SBF2: variants seen among roughly 807,000 people sequenced by gnomAD.
SBF2 encodes SET binding factor 2.
In SBF2, 112 loss-of-function variants were observed where a neutral mutation model predicts 225.2. The observed-to-expected ratio is 0.50, with a 90% CI of 0.43 to 0.58. SBF2 has a LOEUF of 0.58. Among genes scored for constraint, SBF2 ranks in the 20% least tolerant of loss-of-function variants. SBF2 has a pLI of 0.00. For missense variants in SBF2, 1,996 were observed against 2,206.2 expected (o/e 0.90, Z 1.91); for synonymous variants, 763 against 773.3 (o/e 0.99, Z 0.22).
At chr11:10,029,972 G>C in intron 4 of SBF2, 97 bp from the exon 5 acceptor site, 1 of 851,266 alleles carries the variant, frequency 1.2e-6, no homozygotes, top group Non-Finnish European at 2.0e-6. Flanking sequence ...TTTGAACCCA[G>C]TAAAGTATAT....
chr11:10,183,053 G>A (rs567040662), intron 2 of SBF2, among the ~76,000 whole-genome samples: 21 of 152,268 alleles, frequency 1.4e-4, no homozygotes, highest in Non-Finnish European at 1.3e-4. Context: ...TTACAGGCGT[G>A]AGCCACTGTG....
intron 2 of SBF2, among the ~76,000 whole-genome samples, chr11:10,166,982 C>A (rs1469818530): frequency 6.6e-6 from 1 of 151,666 alleles, no homozygotes; most frequent in African/African-American, 2.4e-5. Flanking sequence ...CACACACACA[C>A]ACACACAAAA....
chr11:9,992,843 A>G, intron 11 of SBF2, 147 bp downstream of exon 11: 1 of 629,232 alleles, frequency 1.6e-6, no homozygotes, highest in Non-Finnish European at 2.7e-6. Context: ...TATTATTATT[A>G]AGAACTGATA....
chr11:10,019,537 G>A (rs898312474), intron 6 of SBF2, among the ~76,000 whole-genome samples: 5 of 152,044 alleles, frequency 3.3e-5, no homozygotes, highest in African/African-American at 1.2e-4. Context: ...GATAGGAGAG[G>A]AAATATATTT....
intron 38 of SBF2, among the ~76,000 whole-genome samples, chr11:9,782,673 C>A (rs1852091956): frequency 6.6e-6 from 1 of 152,056 alleles, no homozygotes; most frequent in East Asian, 1.9e-4. Context: ...GAGTTTGAGA[C>A]CAGCCTGACC....
chr11:10,204,925 G>A (rs1292768465), intron 1 of SBF2, among the ~76,000 whole-genome samples: 2 of 151,474 alleles, frequency 1.3e-5, no homozygotes, highest in African/African-American at 4.9e-5. Flanking sequence ...TGGTGATGTC[G>A]CATGTTCCCA....
At chr11:10,043,079 CCTACCTGATGTGGTATGAGT>C in intron 2 of SBF2, 98 bp from the exon 3 acceptor site, 1 of 1,222,296 alleles carries the variant, frequency 8.2e-7, no homozygotes, top group Non-Finnish European at 1.2e-6. Context: ...TTAACAAATT[CCTACCTGATGTGGTATGAGT>C]CTAAAGCCAA....
intron 27 of SBF2, among the ~76,000 whole-genome samples, chr11:9,831,087 C>T (rs1477141621): frequency 6.6e-6 from 1 of 152,122 alleles, no homozygotes; most frequent in African/African-American, 2.4e-5. Flanking sequence ...TAGCCTTTAC[C>T]TCATGGGCTC....
intron 16 of SBF2, chr11:9,961,419 G>C (rs1866560022): frequency 6.6e-6 from 1 of 152,584 alleles, no homozygotes. Context: ...GGCAGGATGA[G>C]GAAACAAGAT....
At chr11:10,096,635 T>G (rs1952037840) in intron 2 of SBF2, among the ~76,000 whole-genome samples, 1 of 152,136 alleles carries the variant, frequency 6.6e-6, no homozygotes, top group Non-Finnish European at 1.5e-5. Context: ...CTGCTCAAGG[T>G]CTGGAATAAA....
chr11:9,797,439 G>A (rs1381348770), intron 32 of SBF2, among the ~76,000 whole-genome samples: 1 of 152,214 alleles, frequency 6.6e-6, no homozygotes, highest in African/African-American at 2.4e-5. Context: ...CTCCTATGCA[G>A]TGGGCCTGCA....
intron 6 of SBF2, among the ~76,000 whole-genome samples, chr11:10,019,926 T>C (rs1037684296): frequency 6.6e-6 from 1 of 152,204 alleles, no homozygotes; most frequent in Non-Finnish European, 1.5e-5. Flanking sequence ...CATCTTTTCA[T>C]CTTTATGTTT....
intron 17 of SBF2, among the ~76,000 whole-genome samples, chr11:9,879,714 T>G (rs1859578891): frequency 6.6e-6 from 1 of 152,236 alleles, no homozygotes; most frequent in Non-Finnish European, 1.5e-5. Flanking sequence ...GTGCTTTACA[T>G]GAATAATTTC....
intron 1 of SBF2, among the ~76,000 whole-genome samples, chr11:10,194,330 T>C (rs1957286729): frequency 6.6e-6 from 1 of 152,198 alleles, no homozygotes; most frequent in African/African-American, 2.4e-5. Flanking sequence ...TTAGGTATTA[T>C]AAGTAATTAA....
chr11:9,887,341 T>C (rs1860417646), intron 17 of SBF2, among the ~76,000 whole-genome samples: 2 of 152,094 alleles, frequency 1.3e-5, no homozygotes, highest in Non-Finnish European at 2.9e-5. Flanking sequence ...CTATCACTAG[T>C]TTAAATAGTA....
At chr11:10,036,390 A>AC (rs1285940493) in intron 3 of SBF2, among the ~76,000 whole-genome samples, 1 of 152,152 alleles carries the variant, frequency 6.6e-6, no homozygotes, top group Non-Finnish European at 1.5e-5. Flanking sequence ...CTGCACATGT[A>AC]CCCCAGAACT....
intron 1 of SBF2, among the ~76,000 whole-genome samples, chr11:10,237,898 A>G (rs781234924): frequency 6.6e-6 from 1 of 152,180 alleles, no homozygotes; most frequent in Non-Finnish European, 1.5e-5. Flanking sequence ...GGTCACTTCT[A>G]TTGTATAAGT....
At chr11:9,792,591 A>G (rs1185804075) in intron 33 of SBF2, among the ~76,000 whole-genome samples, 2 of 152,158 alleles carry the variant, frequency 1.3e-5, no homozygotes, top group Non-Finnish European at 1.5e-5. Context: ...AGAACACAAG[A>G]AGGAACAGAC....
chr11:9,923,321 C>A (rs997815330), intron 16 of SBF2, among the ~76,000 whole-genome samples: 4 of 151,978 alleles, frequency 2.6e-5, no homozygotes, highest in Non-Finnish European at 4.4e-5. Context: ...ACAACAACAA[C>A]AACAACAACA....
Sources: gnomAD v4.1 joint callset for allele counts (sites outside exome capture counted in the v4.1 genomes callset) on GRCh38, gnomAD v4.1.1 for gene constraint, MANE v1.5 for transcripts, NCBI Gene and HGNC (gene_info 2026-07-23, HGNC 2026-07-21) for gene names.